Variants in LZTS3 observed in about 807,000 individuals in gnomAD.
The protein encoded by LZTS3 is leucine zipper tumor suppressor family member 3.
Under a neutral mutation model 50.9 loss-of-function variants are expected in LZTS3, and 16 were observed. That is an observed-to-expected ratio of 0.31 (90% confidence interval 0.21 to 0.48). LZTS3 has a LOEUF of 0.48. Ranked by LOEUF, LZTS3 falls within the 20% of genes least tolerant of loss-of-function variation. The pLI, the probability that LZTS3 is intolerant of heterozygous loss-of-function variation, is 0.99. For synonymous variants in LZTS3, 408 were observed against 410.6 expected, an observed-to-expected ratio of 0.99 and a Z score of 0.08; for missense variants, 816 against 931.0, an observed-to-expected ratio of 0.88 and a Z score of 1.61.
At position 3,167,948 on chromosome 20, in the gene LZTS3, T is replaced by G. The variant is rs2066854483; in HGVS notation, c.-229A>C. 2.6e-6 allele frequency: 2 copies of G among 767,964 alleles called. No individual in the cohort carries two copies. The highest frequency in any genetic ancestry group is 1.6e-6 in the Non-Finnish European group (1 of 631,420). 47.6% of individuals were successfully genotyped at this position (767,964 alleles called of 1,614,324 possible). On this transcript the variant is annotated 5_prime_UTR_variant, in exon 2 of 5. Transcript: ENST00000337576. ...AGGGGCCGACTGAGCCATCCCGGAC[T>G]GCAGTTTTCTCCTCTGCGAAATGGG...
At chr20:3,170,660 G>A (rs915410719) in intron 1 of LZTS3, among the ~76,000 whole-genome samples, 1 of 151,850 alleles carries the variant, frequency 6.6e-6, no homozygotes, top group Admixed American at 6.6e-5. Flanking sequence ...GGGTGTGGTG[G>A]TGCATGCCTG....
In LZTS3 at chr20:3,165,428, C is replaced by T. The variant is rs1344659661; in HGVS notation, c.1323+69G>A. ...ATCCCACCGTTATGATAGTGAGGGGCAACTGCTCTGGGGTTTCCCAGAGGG... is the reference window on the plus strand; with the variant it reads ...ATCCCACCGTTATGATAGTGAGGGGTAACTGCTCTGGGGTTTCCCAGAGGG... On this transcript the variant is annotated intron_variant, in intron 4 of 4. Coordinates refer to ENST00000337576, the MANE Select transcript of LZTS3 (RefSeq NM_001365618.1). The surrounding 1 kb of genome is among the most constrained non-coding windows in gnomAD (Gnocchi z 5.0). The T allele has an allele frequency of 2.2e-5, 23 of 1,064,204 alleles. No individual in the cohort carries two copies. The highest frequency in any genetic ancestry group is 2.8e-5 in the Non-Finnish European group (22 of 793,210). The allele number at this position is 1,064,204 out of a possible 1,614,324, so 65.9% of individuals were successfully genotyped here.
Position 3,166,627 on chromosome 20 carries a change from G to A in LZTS3, c.459+78C>T, listed in dbSNP as rs1240761739. Reference sequence around the variant, plus strand: ...CCCCCACAACCCAACCTCCAAGAAGGCCCACTTTGCCTTCCTCTCTGGGTT... The same window carrying A: ...CCCCCACAACCCAACCTCCAAGAAGACCCACTTTGCCTTCCTCTCTGGGTT... On this transcript the variant is annotated intron_variant, in intron 3 of 4. Coordinates refer to ENST00000337576, the MANE Select transcript of LZTS3 (RefSeq NM_001365618.1). The A allele has an allele frequency of 5.9e-6, 9 of 1,531,278 alleles. No homozygotes were observed. The Admixed American group carries it at 1.0e-4, about 18-fold the overall frequency. The allele number at this position is 1,531,278 out of a possible 1,614,324, so 94.9% of individuals were successfully genotyped here.
rs764796039 is a variant in LZTS3 at position 3,167,187 on chromosome 20, G to A, written c.-18-6C>T. 3.5e-6 allele frequency: 5 copies of A among 1,448,740 alleles called. No homozygotes were observed. The highest frequency in any genetic ancestry group is 4.5e-6 in the Non-Finnish European group (5 of 1,105,602). The allele number at this position is 1,448,740 out of a possible 1,614,324, so 89.7% of individuals were successfully genotyped here. A position where few individuals can be genotyped will look rare whatever the true frequency, so the allele number is the denominator to read the frequency against. On this transcript the variant is annotated splice_region_variant and splice_polypyrimidine_tract_variant and intron_variant, in intron 2 of 4. Coordinates refer to ENST00000337576, the MANE Select transcript of LZTS3 (RefSeq NM_001365618.1). ...ATGACTAAGCCAGGGGGGCACTGTG[G>A]GCACAGGTGGGAAGGCAGAGATAGG...
Position 3,164,482 on chromosome 20 carries a change from A to T in LZTS3, c.1994T>A (p.Leu665His). 1 of 1,562,952 alleles carries T rather than the reference A, an allele frequency of 6.4e-7. No individual in the cohort carries two copies. The highest frequency in any genetic ancestry group is 8.7e-7 in the Non-Finnish European group (1 of 1,152,290). ...EEKKAWTPSR[L>H]ERIESTEI ...GATTTCTGTGGACTCAATGCGCTCGAGGCGGGAGGGGGTCCAGGCCTTCTT... is the reference window on the plus strand; with the variant it reads ...GATTTCTGTGGACTCAATGCGCTCGTGGCGGGAGGGGGTCCAGGCCTTCTT... Residue 665 changes from leucine to histidine, a missense_variant, in exon 5 of 5, where the codon CTC becomes CAC. Transcript: ENST00000337576.
At position 3,167,936 on chromosome 20, in the gene LZTS3, G is replaced by T; in HGVS notation, c.-217C>A. The T allele has an allele frequency of 1.2e-6, 1 of 864,886 alleles. No homozygotes were observed. The highest frequency in any genetic ancestry group is 1.4e-6 in the Non-Finnish European group (1 of 719,900). 53.6% of individuals were successfully genotyped at this position (864,886 alleles called of 1,614,324 possible). ...GCGCGACTTTGGAGGGGCCGACTGA[G>T]CCATCCCGGACTGCAGTTTTCTCCT... On this transcript the variant is annotated 5_prime_UTR_variant, in exon 2 of 5. Transcript: ENST00000337576.
Position 3,165,240 on chromosome 20 carries a change from C to G in LZTS3, c.1324-88G>C. 1 of 1,335,394 alleles carries G rather than the reference C, an allele frequency of 7.5e-7. No individual in the cohort carries two copies. Among genetic ancestry groups the G allele is most frequent in the Non-Finnish European group, 9.9e-7 (1 of 1,007,914 alleles). 82.7% of individuals were successfully genotyped at this position (1,335,394 alleles called of 1,614,324 possible). On this transcript the variant is annotated intron_variant, in intron 4 of 4. Transcript: ENST00000337576. The surrounding 1 kb of genome is among the most constrained non-coding windows in gnomAD (Gnocchi z 5.0). ...GCTACCAGATCTGGAGCCAGGGGCA[C>G]CAAGCTTCCCGGGGCTGCAGGCTCA... is the stretch of plus-strand genomic sequence containing the variant.
chr20:3,171,537 T>C (rs1392426619), intron 1 of LZTS3, among the ~76,000 whole-genome samples: 1 of 151,730 alleles, frequency 6.6e-6, no homozygotes, highest in African/African-American at 2.4e-5. Flanking sequence ...TCGTGGTGCG[T>C]GTCTGTAATC....
Position 3,164,781 on chromosome 20 carries a change from G to T in LZTS3, c.1695C>A (p.Gly565=). ...LVSVDGEAEA[G]GESGTRALRR... The stretch of plus-strand genomic sequence containing the variant: ...GCAGGGCCCGCGTCCCGCTCTCCCC[G>T]CCAGCCTCCGCCTCCCCGTCCACGG... The change falls in exon 5 of 5, where the codon GGC becomes GGA. Residue 565 remains glycine (G), a synonymous_variant. Transcript: ENST00000337576. The T allele has an allele frequency of 6.6e-7, 1 of 1,525,494 alleles. No homozygotes were observed. The allele number at this position is 1,525,494 out of a possible 1,614,324, so 94.5% of individuals were successfully genotyped here.
At position 3,165,395 on chromosome 20, in the gene LZTS3, C is replaced by G. The variant is rs558974129; in HGVS notation, c.1323+102G>C. On this transcript the variant is annotated intron_variant, in intron 4 of 4. Coordinates refer to ENST00000337576, the MANE Select transcript of LZTS3 (RefSeq NM_001365618.1). This position sits in a 1 kb window ranked among gnomAD's most constrained non-coding sequence, Gnocchi z 5.0. ...TTTGTCCCCCCTGCTCCTTTCATCC[C>G]CCCCCCCATCCCACCGTTATGATAG... 4.5e-4 allele frequency: 475 copies of G among 1,046,526 alleles called. 19 individuals are homozygous for G. The highest frequency in any genetic ancestry group is 1.1e-3 in the Admixed American group (41 of 38,202). 64.8% of individuals were successfully genotyped at this position (1,046,526 alleles called of 1,614,324 possible).
intron 3 of LZTS3, 147 bp downstream of exon 3, chr20:3,166,558 C>T: frequency 8.5e-7 from 1 of 1,181,682 alleles, no homozygotes; most frequent in Non-Finnish European, 1.2e-6. Flanking sequence ...TAGACTTGGC[C>T]CCAGGTCCCC....
chr20:3,167,071 CG>C lies in LZTS3; in HGVS notation c.92del (p.Pro31ArgfsTer22). Reference sequence around the variant, plus strand: ...CGCTGCCCATGGCCAGGCGGGGGTCCGGGGGTCCAAGCTCGGAGGGCCGTGG... The same window carrying C: ...CGCTGCCCATGGCCAGGCGGGGGTCCGGGGTCCAAGCTCGGAGGGCCGTGG... ...FAPRPSELGPPDPRLAMGSVG... is the reference protein window; with the variant it reads ...FAPRPSELGPXDPRLAMGSVG... On this transcript the variant is annotated frameshift_variant, in exon 3 of 5. Transcript: ENST00000337576. LOFTEE classifies it high-confidence loss of function. 2 of 1,553,436 alleles carry C rather than the reference CG, an allele frequency of 1.3e-6. No homozygotes were observed. Among genetic ancestry groups the C allele is most frequent in the Non-Finnish European group, 8.7e-7 (1 of 1,152,468 alleles).
In LZTS3 at chr20:3,165,823, G is replaced by A; in HGVS notation, c.997C>T (p.Gln333Ter). ...ELEERLWEKE[Q>*]EVAALRRSLE... The stretch of plus-strand genomic sequence containing the variant: ...CTGCGCCGCAGAGCTGCCACCTCCT[G>A]CTCCTTCTCCCACAGCCGCTCCTCC... Residue 333 changes from glutamine to a stop codon, truncating the protein, a stop_gained, in exon 4 of 5, where the codon CAG becomes TAG. Coordinates refer to ENST00000337576, the MANE Select transcript of LZTS3 (RefSeq NM_001365618.1). LOFTEE classifies it high-confidence loss of function. This position sits in a 1 kb window ranked among gnomAD's most constrained non-coding sequence, Gnocchi z 5.0. The A allele has an allele frequency of 6.2e-7, 1 of 1,602,088 alleles. No homozygotes were observed.
At position 3,164,368 on chromosome 20, in the gene LZTS3, T is replaced by C. The variant is rs1002837901; in HGVS notation, c.*86A>G. The C allele has an allele frequency of 7.9e-6, 11 of 1,386,932 alleles. No homozygotes were observed. In the East Asian group the frequency reaches 2.6e-4, roughly 33 times the overall value. The allele number at this position is 1,386,932 out of a possible 1,614,324, so 85.9% of individuals were successfully genotyped here. A position where few individuals can be genotyped will look rare whatever the true frequency, so the allele number is the denominator to read the frequency against. ...CTTTGGTCTGGGGTTATGGGGTCTA[T>C]GGGGAAGAGAGATGGAGGGGAGGGG... On this transcript the variant is annotated 3_prime_UTR_variant, in exon 5 of 5. Transcript: ENST00000337576.
At chr20:3,173,133 C>T (rs2066919483) in intron 1 of LZTS3, among the ~76,000 whole-genome samples, 1 of 152,150 alleles carries the variant, frequency 6.6e-6, no homozygotes, top group African/African-American at 2.4e-5. Flanking sequence ...GGCCACAGGA[C>T]CTGGGAGTCC....
intron 1 of LZTS3, among the ~76,000 whole-genome samples, chr20:3,168,825 G>A (rs999930789): frequency 6.6e-6 from 1 of 152,146 alleles, no homozygotes; most frequent in African/African-American, 2.4e-5. Context: ...AGGGGCCCAC[G>A]TGGCACCCTA....
chr20:3,165,991 C>T lies in LZTS3; in HGVS notation c.829G>A (p.Asp277Asn), dbSNP rs760609930. The change falls in exon 4 of 5, where the codon GAT becomes AAT. Residue 277 changes from aspartate (D) to asparagine (N), a missense_variant. Transcript: ENST00000337576. The surrounding 1 kb of genome is among the most constrained non-coding windows in gnomAD (Gnocchi z 5.0). ...CTCTTGCTGGAGGCCCGTCCACTAT[C>T]GGAGGTCCCCAGGTCCTGGTAGCCC... Reference protein sequence around the residue: ...GSGYQDLGTSDSGRASSKSGS... With the variant: ...GSGYQDLGTSNSGRASSKSGS... The T allele has an allele frequency of 8.7e-6, 14 of 1,613,334 alleles. No individual in the cohort carries two copies. The highest frequency in any genetic ancestry group is 4.4e-5 in the South Asian group (4 of 91,086).
intron 1 of LZTS3, among the ~76,000 whole-genome samples, chr20:3,172,735 G>A (rs1357593782): frequency 6.6e-6 from 1 of 152,190 alleles, no homozygotes; most frequent in African/African-American, 2.4e-5. Context: ...CTGTGGGAAT[G>A]CTAGTTATGG....
rs115208776 is a variant in LZTS3, at chr20:3,170,978, A to C, written c.-243+2477T>G. On this transcript the variant is annotated intron_variant, in intron 1 of 4. Coordinates refer to ENST00000337576, the MANE Select transcript of LZTS3 (RefSeq NM_001365618.1). ...CCATGGTAGAAACCTGTGTGTTAAT[A>C]TGCTGAGGGAAGTTGCCAATAGTGA... Among the ~76,000 whole-genome samples, 1,409 of 152,324 alleles carry C rather than the reference A, an allele frequency of 9.3e-3. 32 individuals are homozygous for C. The highest frequency in any genetic ancestry group is 0.033 in the African/African-American group (1,359 of 41,564).
Sources: gnomAD v4.1 joint callset for allele counts (sites outside exome capture counted in the v4.1 genomes callset) on GRCh38, gnomAD v4.1.1 for gene constraint, Gnocchi (gnomAD v3.1) non-coding constraint, MANE v1.5 for transcripts, NCBI Gene and HGNC (gene_info 2026-07-23, HGNC 2026-07-21) for gene names.